KNDC1: variants seen among roughly 807,000 people sequenced by gnomAD.
KNDC1 encodes kinase non-catalytic C-lobe domain containing 1.
A neutral mutation model predicts 172.8 loss-of-function variants in KNDC1; 106 were observed. That is an observed-to-expected ratio of 0.61 (90% CI 0.52 to 0.72). The LOEUF (loss-of-function observed/expected upper bound fraction) is 0.72. KNDC1 is among the 30% of genes least tolerant of loss of function. The pLI is 0.00. For missense variants in KNDC1, 2,325 were observed against 2,394.5 expected (o/e 0.97, Z 0.61); for synonymous variants, 1,083 against 1,062.2 (o/e 1.02, Z -0.38).
intron 3 of KNDC1, among the ~76,000 whole-genome samples, chr10:133,177,637 TG>T (rs1239383745): frequency 2.0e-5 from 3 of 151,660 alleles, no homozygotes; most frequent in Non-Finnish European, 1.5e-5. Flanking sequence ...GTTGTGAGCA[TG>T]TGTGTTGCAT....
intron 1 of KNDC1, among the ~76,000 whole-genome samples, chr10:133,162,525 A>G (rs1564868765): frequency 6.6e-6 from 1 of 152,232 alleles, no homozygotes; most frequent in East Asian, 1.9e-4. Context: ...ATAGACCCCT[A>G]TGGACACCCA....
intron 3 of KNDC1, among the ~76,000 whole-genome samples, chr10:133,169,561 G>GGT (rs1379264522): frequency 6.6e-6 from 1 of 152,234 alleles, no homozygotes; most frequent in Non-Finnish European, 1.5e-5. Context: ...AGGTGGGCAG[G>GGT]GTGCCCCAGG....
At chr10:133,187,617 C>T (rs556972098) in intron 6 of KNDC1, among the ~76,000 whole-genome samples, 1 of 152,320 alleles carries the variant, frequency 6.6e-6, no homozygotes, top group Admixed American at 6.5e-5. Context: ...CAACAGCCTA[C>T]CTTCCCGAAG....
intron 1 of KNDC1, among the ~76,000 whole-genome samples, chr10:133,165,234 G>T (rs554225157): frequency 2.6e-5 from 4 of 152,338 alleles, no homozygotes; most frequent in East Asian, 1.9e-4. Flanking sequence ...ATTCAGACAC[G>T]CCCACCTCTC....
intron 17 of KNDC1, chr10:133,202,780 C>A (rs1854410387): frequency 1.7e-5 from 7 of 400,800 alleles, no homozygotes; most frequent in South Asian, 1.1e-4. Flanking sequence ...GAAGCCTTCA[C>A]TTCATTTCAG....
chr10:133,197,587 G>A (rs910281332), intron 11 of KNDC1, 88 bp from the exon 12 acceptor site: 38 of 978,688 alleles, frequency 3.9e-5, no homozygotes, highest in Middle Eastern at 2.3e-4. Flanking sequence ...CCACGGCACC[G>A]GCGGGTGGTG....
In KNDC1 at chr10:133,188,639, G is replaced by A. The variant is rs756802582; in HGVS notation, c.1427G>A (p.Arg476His). 1.4e-5 allele frequency: 22 copies of A among 1,587,892 alleles called. No individual in the cohort carries two copies. The highest frequency in any genetic ancestry group is 4.5e-5 in the South Asian group (4 of 88,090). The change falls in exon 7 of 30, where the codon CGC becomes CAC. Residue 476 changes from arginine (R) to histidine (H), a missense_variant. Arg to His is a conservative substitution (Grantham distance 29). Transcript: ENST00000304613. ...CLACLRALQT[R>H]PEHPAYLCLD... ...GCCTGCCTCCGCGCACTGCAGACAC[G>A]CCCTGAGCACCCAGGTGACGCACGC...
At chr10:133,166,330 C>T (rs1332044259) in intron 1 of KNDC1, among the ~76,000 whole-genome samples, 5 of 152,188 alleles carry the variant, frequency 3.3e-5, no homozygotes, top group East Asian at 1.9e-4. Flanking sequence ...GTGCCCCGGC[C>T]GGGGAGCAGC....
At chr10:133,189,460 C>T in intron 7 of KNDC1, 138 bp from the exon 8 acceptor site, 1 of 767,230 alleles carries the variant, frequency 1.3e-6, no homozygotes, top group Non-Finnish European at 2.1e-6. Context: ...CATGTGCGTG[C>T]ACTGGCAGGT....
intron 1 of KNDC1, chr10:133,167,066 G>C (rs1008672523): frequency 1.6e-5 from 7 of 432,558 alleles, no homozygotes; most frequent in Admixed American, 3.6e-5. Flanking sequence ...CGGGGTCGGG[G>C]TGCTCCACGG....
chr10:133,161,814 G>A (rs1852980809), intron 1 of KNDC1, among the ~76,000 whole-genome samples: 1 of 152,202 alleles, frequency 6.6e-6, no homozygotes, highest in Non-Finnish European at 1.5e-5. Context: ...GCGGCCCTGA[G>A]GACGCAGCTC....
chr10:133,182,953 AGG>A (rs1853762862), intron 3 of KNDC1, among the ~76,000 whole-genome samples: 1 of 125,974 alleles, frequency 7.9e-6, no homozygotes, highest in Non-Finnish European at 1.7e-5. Context: ...GTGTGGGCAC[AGG>A]CGGTGTGGGC....
At chr10:133,219,773 G>A (rs1845543583) in intron 28 of KNDC1, among the ~76,000 whole-genome samples, 182 bp from the exon 29 acceptor site, 1 of 152,248 alleles carries the variant, frequency 6.6e-6, no homozygotes, top group African/African-American at 2.4e-5. Flanking sequence ...CCGCAGGTGT[G>A]AGCCAAGTCC....
At position 133,185,984 on chromosome 10, in the gene KNDC1, G is replaced by C. The variant is rs1853898166; in HGVS notation, c.636G>C (p.Glu212Asp). The C allele has an allele frequency of 4.4e-6, 7 of 1,596,882 alleles. No individual in the cohort carries two copies. The Admixed American group carries it at 1.0e-4, about 24-fold the overall frequency. ...CTTGCTTGTGCCCAGATGTCAGCGA[G>C]AGCAGCTGGCGGGAGAGACCTGCCC... Reference protein sequence around the residue: ...ESFGALQDVSESSWRERPAPG... With the variant: ...ESFGALQDVSDSSWRERPAPG... Residue 212 changes from glutamate (E) to aspartate (D), a missense_variant, in exon 6 of 30, where the codon GAG becomes GAC. Glu to Asp is a conservative substitution (Grantham distance 45, BLOSUM62 2). Coordinates refer to ENST00000304613, the MANE Select transcript of KNDC1 (RefSeq NM_152643.8).
intron 6 of KNDC1, 141 bp downstream of exon 6, chr10:133,186,815 T>C: frequency 4.5e-6 from 3 of 669,690 alleles, no homozygotes; most frequent in South Asian, 4.3e-5. Context: ...ACATTTTCAT[T>C]GAGCTGCCCC....
At position 133,201,903 on chromosome 10, in the gene KNDC1, G is replaced by A. The variant is rs1161176972; in HGVS notation, c.3387+5G>A. ...CTGCCCGACGCCCAGAGCCCGGTGA[G>A]TCCCAGGCCTTGGCACTGCCGGGTG... On this transcript the variant is annotated splice_donor_5th_base_variant and intron_variant, in intron 17 of 29. Coordinates refer to ENST00000304613, the MANE Select transcript of KNDC1 (RefSeq NM_152643.8). The A allele has an allele frequency of 6.7e-7, 1 of 1,498,288 alleles. No individual in the cohort carries two copies. Among genetic ancestry groups the A allele is most frequent in the Non-Finnish European group, 8.9e-7 (1 of 1,125,062 alleles). 92.8% of individuals were successfully genotyped at this position (1,498,288 alleles called of 1,614,324 possible).
chr10:133,186,990 G>A lies in KNDC1; in HGVS notation c.1326+316G>A, dbSNP rs111928284. Among the ~76,000 whole-genome samples, 65 of 152,274 alleles carry A rather than the reference G, an allele frequency of 4.3e-4. 1 individual carries two copies. Among genetic ancestry groups the A allele is most frequent in the African/African-American group, 6.3e-4 (26 of 41,554 alleles). On this transcript the variant is annotated intron_variant, in intron 6 of 29. Transcript: ENST00000304613. ...CGTCCCGAGGGATTAATTTTCTTCC[G>A]GGAAGCAAGGCCAGCAGCCCCGGCT...
At chr10:133,175,336 GGATA>G (rs56125616) in intron 3 of KNDC1, among the ~76,000 whole-genome samples, 58,226 of 144,440 alleles carry the variant, frequency 0.4, 13,606 homozygotes, top group South Asian at 0.66. Context: ...ACATGTGGTT[GGATA>G]GATAAGTGGA....
chr10:133,186,973 G>T (rs963563422), intron 6 of KNDC1, among the ~76,000 whole-genome samples: 1 of 152,164 alleles, frequency 6.6e-6, no homozygotes, highest in Non-Finnish European at 1.5e-5. Flanking sequence ...GCCGTCCCGA[G>T]GGATTAATTT....
Sources: allele counts gnomAD v4.1 joint callset (sites outside exome capture counted in the v4.1 genomes callset), GRCh38; gene constraint gnomAD v4.1.1; transcripts MANE v1.5; gene names NCBI Gene and HGNC (gene_info 2026-07-23, HGNC 2026-07-21).